LRP1B: variants seen among roughly 807,000 people sequenced by gnomAD.
The protein encoded by LRP1B is low-density lipoprotein receptor-related protein 1B.
Under a neutral mutation model 556.6 loss-of-function variants are expected in LRP1B, and 217 were observed. The ratio of observed to expected loss-of-function variants is 0.39; its 90% CI spans 0.35 to 0.44. The LOEUF is 0.44. Ranked by LOEUF, LRP1B falls within the 20% of genes least tolerant of loss-of-function variation. LRP1B has a pLI of 1.00. For missense variants in LRP1B, 5,053 were observed against 5,620.8 expected (o/e 0.90, Z 3.23); for synonymous variants, 2,047 against 1,865.8 (o/e 1.10, Z -2.50).
intron 1 of LRP1B, among the ~76,000 whole-genome samples, chr2:141,926,273 T>C (rs1313914826): frequency 6.6e-6 from 1 of 152,172 alleles, no homozygotes; most frequent in African/African-American, 2.4e-5. Context: ...CAGAAGTAAA[T>C]ACAGAAGTTC....
At position 141,229,424 on chromosome 2, in the gene LRP1B, T is replaced by A; in HGVS notation, c.609A>T (p.Pro203=). 3 of 1,577,238 alleles carry A rather than the reference T, an allele frequency of 1.9e-6. No individual in the cohort carries two copies. Among genetic ancestry groups the A allele is most frequent in the Non-Finnish European group, 2.6e-6 (3 of 1,149,182 alleles). The change falls in exon 6 of 91, where the codon CCA becomes CCT. Residue 203 remains proline, a synonymous_variant. Transcript: ENST00000389484. The part of the protein sequence containing the change: ...CKAKIEPTDR[P]PILLIANFET... The stretch of plus-strand genomic sequence containing the variant: ...CAAAATTTGCAATTAATAGTATAGG[T>A]GGTCTATCTGTAGGTTCTGGAATAA...
At chr2:141,851,626 G>A (rs1274990142) in intron 1 of LRP1B, among the ~76,000 whole-genome samples, 2 of 151,700 alleles carry the variant, frequency 1.3e-5, no homozygotes, top group African/African-American at 4.8e-5. Context: ...CATCAGATGG[G>A]CATTGAGTAC....
chr2:140,300,806 T>A (rs536734648), intron 83 of LRP1B, among the ~76,000 whole-genome samples: 2 of 152,262 alleles, frequency 1.3e-5, no homozygotes, highest in East Asian at 1.9e-4. Flanking sequence ...TCATGTAGAA[T>A]AAATTAGATA....
chr2:141,822,124 C>CAG (rs1390471936), intron 1 of LRP1B, among the ~76,000 whole-genome samples: 32 of 111,882 alleles, frequency 2.9e-4, no homozygotes, highest in East Asian at 1.3e-3. Context: ...CACACACACA[C>CAG]ACACACAGAG....
intron 7 of LRP1B, among the ~76,000 whole-genome samples, chr2:141,185,683 C>CAAAAAAAAAAAAAAAAAA (rs148935362): frequency 1.5e-4 from 11 of 74,302 alleles, no homozygotes; most frequent in African/African-American, 4.9e-4. Context: ...GAAAAACAAA[C>CAAAAAAAAAAAAAAAAAA]AAACAAAAAA....
chr2:140,877,863 G>T (rs572730982), intron 25 of LRP1B, among the ~76,000 whole-genome samples: 1 of 152,278 alleles, frequency 6.6e-6, no homozygotes, highest in South Asian at 2.1e-4. Context: ...ACCTCCTGAA[G>T]CTGTGTCATG....
intron 66 of LRP1B, among the ~76,000 whole-genome samples, chr2:140,437,419 A>AGG (rs1686233651): frequency 6.6e-6 from 1 of 152,216 alleles, no homozygotes; most frequent in Admixed American, 6.5e-5. Flanking sequence ...CACACAGGAT[A>AGG]GGGGCACTGA....
intron 1 of LRP1B, among the ~76,000 whole-genome samples, chr2:142,129,586 C>CTCTCTCTCTT (rs1234743151): frequency 1.8e-3 from 2 of 1,138 alleles, no homozygotes; most frequent in Non-Finnish European, 6.6e-3. Context: ...TTCTCTCTTT[C>CTCTCTCTCTT]TCTCTCTCTC....
intron 13 of LRP1B, among the ~76,000 whole-genome samples, 164 bp downstream of exon 13, chr2:141,015,532 G>C (rs1287252370): frequency 6.6e-6 from 1 of 151,994 alleles, no homozygotes; most frequent in East Asian, 1.9e-4. Flanking sequence ...GCAAGTGCCA[G>C]CTGCACTACT....
chr2:141,528,790 TC>T (rs1418287227), intron 2 of LRP1B, among the ~76,000 whole-genome samples: 2 of 152,116 alleles, frequency 1.3e-5, no homozygotes, highest in Non-Finnish European at 1.5e-5. Flanking sequence ...AGAACAAGAC[TC>T]ACGACTCAGT....
Position 140,580,762 on chromosome 2 carries a change from T to C in LRP1B, c.7194+17869A>G, listed in dbSNP as rs149959251. On this transcript the variant is annotated intron_variant, in intron 43 of 90. Coordinates refer to ENST00000389484, the MANE Select transcript of LRP1B (RefSeq NM_018557.3). Reference sequence around the variant, plus strand: ...ATGGCTTTTTATCTTTTTTAAACAGTCCTTTGGGAGGAACTAGAAGCAGAG... The same window carrying C: ...ATGGCTTTTTATCTTTTTTAAACAGCCCTTTGGGAGGAACTAGAAGCAGAG... Among the ~76,000 whole-genome samples the C allele has an allele frequency of 2.0e-5, 3 of 151,974 alleles. No individual in the cohort carries two copies. The East Asian group carries it at 5.8e-4, about 29-fold the overall frequency.
chr2:141,877,338 T>C (rs10179057), intron 1 of LRP1B, among the ~76,000 whole-genome samples: 23,993 of 151,886 alleles, frequency 0.16, 1,960 homozygotes, highest in South Asian at 0.19. Context: ...AGTAGCAGTC[T>C]AGCAAGGGAT....
intron 7 of LRP1B, among the ~76,000 whole-genome samples, chr2:141,087,539 T>A (rs1201791922): frequency 6.6e-6 from 1 of 152,168 alleles, no homozygotes; most frequent in Non-Finnish European, 1.5e-5. Context: ...GAGACAGCAA[T>A]GTACAATAAG....
intron 60 of LRP1B, among the ~76,000 whole-genome samples, chr2:140,467,086 TA>T (rs1174909820): frequency 3.3e-5 from 5 of 151,990 alleles, no homozygotes; most frequent in African/African-American, 1.2e-4. Context: ...TCTCAGGAGA[TA>T]TTTTTTGTTA....
chr2:141,796,435 T>A (rs538052203), intron 2 of LRP1B, among the ~76,000 whole-genome samples: 5 of 152,210 alleles, frequency 3.3e-5, no homozygotes, highest in African/African-American at 1.2e-4. Context: ...ATTGTAAGAA[T>A]GTATCTAATC....
At chr2:141,183,134 C>A (rs1681080864) in intron 7 of LRP1B, among the ~76,000 whole-genome samples, 1 of 152,034 alleles carries the variant, frequency 6.6e-6, no homozygotes, top group South Asian at 2.1e-4. Flanking sequence ...TAGTCTGAGG[C>A]ATTTAATAGC....
At chr2:141,986,578 TA>T (rs1702192554) in intron 1 of LRP1B, among the ~76,000 whole-genome samples, 1 of 152,008 alleles carries the variant, frequency 6.6e-6, no homozygotes, top group Non-Finnish European at 1.5e-5. Context: ...TCTTGACTTC[TA>T]ACATATATTT....
At chr2:140,603,317 G>T (rs1369717188) in intron 41 of LRP1B, among the ~76,000 whole-genome samples, 1 of 152,096 alleles carries the variant, frequency 6.6e-6, no homozygotes, top group African/African-American at 2.4e-5. Flanking sequence ...CCTATTTGGA[G>T]TGAGTGGAAG....
chr2:141,225,191 C>G (rs1292084859), intron 6 of LRP1B, among the ~76,000 whole-genome samples: 1 of 152,092 alleles, frequency 6.6e-6, no homozygotes, highest in South Asian at 2.1e-4. Context: ...TAGGTATACT[C>G]TACTGGATTG....
Sources: allele counts gnomAD v4.1 joint callset (sites outside exome capture counted in the v4.1 genomes callset), GRCh38; gene constraint gnomAD v4.1.1; transcripts MANE v1.5; gene names NCBI Gene and HGNC (gene_info 2026-07-23, HGNC 2026-07-21).